TIAM1: variants seen among roughly 807,000 people sequenced by gnomAD.
TIAM1 encodes TIAM Rac1 associated GEF 1.
TIAM1 carries 65 observed loss-of-function variants against 163.5 expected under a neutral mutation model. The observed-to-expected ratio is 0.40, with a 90% confidence interval of 0.33 to 0.49. The LOEUF is 0.49. Ranked by LOEUF, TIAM1 falls within the 20% of genes least tolerant of loss-of-function variation. The pLI is 0.77. For synonymous variants in TIAM1, 833 were observed against 810.1 expected, an observed-to-expected ratio of 1.03 and a Z score of -0.48; for missense variants, 1,789 against 2,044.7, an observed-to-expected ratio of 0.87 and a Z score of 2.41.
intron 2 of TIAM1, among the ~76,000 whole-genome samples, chr21:31,331,377 TGCAG>T (rs1204388213): frequency 6.6e-6 from 1 of 152,202 alleles, no homozygotes; most frequent in African/African-American, 2.4e-5. Flanking sequence ...AAACACAGCC[TGCAG>T]GCCCATAGGC....
At chr21:31,454,635 G>C (rs759347220) in intron 2 of TIAM1, among the ~76,000 whole-genome samples, 1 of 152,118 alleles carries the variant, frequency 6.6e-6, no homozygotes, top group Non-Finnish European at 1.5e-5. Context: ...CGTGGGAGGA[G>C]GTAGAGCCAG....
intron 15 of TIAM1, among the ~76,000 whole-genome samples, chr21:31,172,780 T>A (rs1159639618): frequency 6.6e-6 from 1 of 151,906 alleles, no homozygotes; most frequent in Non-Finnish European, 1.5e-5. Context: ...GAGCAGGAGA[T>A]CACTTGAGTC....
intron 2 of TIAM1, among the ~76,000 whole-genome samples, chr21:31,441,195 T>C (rs888145052): frequency 1.3e-5 from 2 of 152,216 alleles, no homozygotes; most frequent in African/African-American, 2.4e-5. Flanking sequence ...CCTTTTTCCA[T>C]GTGAAAGCTC....
intron 6 of TIAM1, among the ~76,000 whole-genome samples, chr21:31,231,864 T>G (rs552745202): frequency 6.6e-6 from 1 of 152,086 alleles, no homozygotes; most frequent in Non-Finnish European, 1.5e-5. Context: ...AATACAAAAA[T>G]TAGCTGGGCA....
At chr21:31,165,415 G>A (rs2084161711) in intron 15 of TIAM1, among the ~76,000 whole-genome samples, 3 of 152,114 alleles carry the variant, frequency 2.0e-5, no homozygotes, top group Non-Finnish European at 2.9e-5. Flanking sequence ...TCATGAGGGT[G>A]GGGTCCCCAT....
At chr21:31,152,904 T>G in intron 18 of TIAM1, 143 bp from the exon 19 acceptor site, 2 of 1,307,850 alleles carry the variant, frequency 1.5e-6, no homozygotes, top group Non-Finnish European at 2.1e-6. Flanking sequence ...AGTTTTTTAC[T>G]CTTCATGAGC....
At chr21:31,442,601 A>G (rs2044476957) in intron 2 of TIAM1, among the ~76,000 whole-genome samples, 4 of 152,218 alleles carry the variant, frequency 2.6e-5, no homozygotes, top group Admixed American at 2.6e-4. Context: ...AAGGACTTAC[A>G]CATCAAAGGT....
intron 2 of TIAM1, among the ~76,000 whole-genome samples, chr21:31,447,954 T>C (rs572950324): frequency 6.6e-6 from 1 of 152,018 alleles, no homozygotes; most frequent in East Asian, 1.9e-4. Context: ...AGGGAAAAAA[T>C]GATGTCCTAG....
Position 31,120,796 on chromosome 21 carries a change from G to A in TIAM1, c.4348C>T (p.Leu1450=), listed in dbSNP as rs1411286636. 1.2e-6 allele frequency: 2 copies of A among 1,613,664 alleles called. No individual in the cohort carries two copies. Among genetic ancestry groups the A allele is most frequent in the South Asian group, 1.1e-5 (1 of 91,036 alleles). ...TCAATGGTAAACCTGTTTCGAGCCAGCCGCCGCCTCCTCCTCCCAAGAGAC... is the reference window on the plus strand; with the variant it reads ...TCAATGGTAAACCTGTTTCGAGCCAACCGCCGCCTCCTCCTCCCAAGAGAC... ...SKSLGRRRRR[L]ARNRFTIDSD... is the part of the protein sequence containing the mutation. Residue 1450 remains leucine (L), a synonymous_variant, in exon 28 of 28, where the codon CTG becomes TTG. Coordinates refer to ENST00000541036, the MANE Select transcript of TIAM1 (RefSeq NM_001353694.2). The surrounding 1 kb of genome is among the most constrained non-coding windows in gnomAD (Gnocchi z 4.2).
At chr21:31,250,395 T>A (rs1246160449) in intron 5 of TIAM1, among the ~76,000 whole-genome samples, 1 of 152,190 alleles carries the variant, frequency 6.6e-6, no homozygotes, top group Non-Finnish European at 1.5e-5. Context: ...CCTCCCTTCC[T>A]GTGTCATCAG....
intron 15 of TIAM1, among the ~76,000 whole-genome samples, chr21:31,165,432 G>A (rs931943956): frequency 7.9e-5 from 12 of 152,066 alleles, no homozygotes; most frequent in African/African-American, 2.9e-4. Context: ...CCATGGATGA[G>A]ATTAGTGTCA....
chr21:31,394,702 T>G (rs1602172901), intron 2 of TIAM1, among the ~76,000 whole-genome samples: 2 of 94,920 alleles, frequency 2.1e-5, no homozygotes, highest in African/African-American at 4.6e-5. Context: ...TCTCTCTCTC[T>G]CTCTCGCTCT....
At chr21:31,555,548 T>C (rs2048846375) in intron 1 of TIAM1, among the ~76,000 whole-genome samples, 1 of 152,074 alleles carries the variant, frequency 6.6e-6, no homozygotes, top group African/African-American at 2.4e-5. Flanking sequence ...AGCACTTTCA[T>C]GAGAATCTGT....
intron 1 of TIAM1, among the ~76,000 whole-genome samples, chr21:31,477,012 TA>T (rs995299992): frequency 8.5e-5 from 13 of 152,300 alleles, no homozygotes; most frequent in Non-Finnish European, 7.4e-5. Flanking sequence ...CAGGTTCAAA[TA>T]AAAAAGGGAT....
intron 11 of TIAM1, among the ~76,000 whole-genome samples, chr21:31,204,348 G>A (rs1359801453): frequency 1.3e-5 from 2 of 152,160 alleles, no homozygotes; most frequent in Non-Finnish European, 2.9e-5. Context: ...GATGCTAGGT[G>A]ATAGATACAT....
At chr21:31,330,735 G>A (rs903487786) in intron 2 of TIAM1, among the ~76,000 whole-genome samples, 3 of 152,154 alleles carry the variant, frequency 2.0e-5, no homozygotes, top group African/African-American at 7.2e-5. Flanking sequence ...GTTTGGTGTG[G>A]GGAGACACAC....
At chr21:31,528,580 G>A (rs1291182341) in intron 1 of TIAM1, among the ~76,000 whole-genome samples, 2 of 151,504 alleles carry the variant, frequency 1.3e-5, no homozygotes, top group Non-Finnish European at 2.9e-5. Flanking sequence ...CGAGGCGGGC[G>A]GATCACATGG....
chr21:31,414,149 A>C (rs533025240), intron 2 of TIAM1, among the ~76,000 whole-genome samples: 1 of 152,308 alleles, frequency 6.6e-6, no homozygotes, highest in African/African-American at 2.4e-5. Flanking sequence ...AGAGTTGCGG[A>C]GAAAAATCTT....
chr21:31,461,254 C>T (rs947350518), intron 2 of TIAM1, among the ~76,000 whole-genome samples: 9 of 152,028 alleles, frequency 5.9e-5, no homozygotes, highest in African/African-American at 1.9e-4. Context: ...GAGGCCGAGG[C>T]GGGCAGATCA....
Sources: gnomAD v4.1 joint callset for allele counts (sites outside exome capture counted in the v4.1 genomes callset) on GRCh38, gnomAD v4.1.1 for gene constraint, Gnocchi (gnomAD v3.1) non-coding constraint, MANE v1.5 for transcripts, NCBI Gene and HGNC (gene_info 2026-07-23, HGNC 2026-07-21) for gene names.